PI4K2B: variants seen among roughly 807,000 people sequenced by gnomAD.
The protein encoded by PI4K2B is phosphatidylinositol 4-kinase type 2-beta.
Under a neutral mutation model 56.6 loss-of-function variants are expected in PI4K2B, and 46 were observed. That is an observed-to-expected ratio of 0.81 (90% CI 0.64 to 1.04). The LOEUF (loss-of-function observed/expected upper bound fraction) is 1.04. Among genes scored for constraint, PI4K2B ranks in the 50% least tolerant of loss-of-function variants. The pLI is 0.00. For synonymous variants in PI4K2B, 211 were observed against 223.8 expected, an observed-to-expected ratio of 0.94 and a Z score of 0.51; for missense variants, 556 against 607.7, an observed-to-expected ratio of 0.91 and a Z score of 0.89.
At chr4:25,235,579 TATA>T (rs1236129551) in intron 1 of PI4K2B, among the ~76,000 whole-genome samples, 1 of 152,224 alleles carries the variant, frequency 6.6e-6, no homozygotes, top group Non-Finnish European at 1.5e-5. Flanking sequence ...CTGCTCCCGT[TATA>T]ATGTTACCTG....
At chr4:25,235,798 T>C (rs1715236723) in intron 1 of PI4K2B, among the ~76,000 whole-genome samples, 1 of 152,176 alleles carries the variant, frequency 6.6e-6, no homozygotes. Context: ...GCCTTCAAAA[T>C]GCACTTGTTC....
At chr4:25,245,981 G>A (rs1715751120) in intron 1 of PI4K2B, among the ~76,000 whole-genome samples, 1 of 152,118 alleles carries the variant, frequency 6.6e-6, no homozygotes, top group Admixed American at 6.5e-5. Context: ...CCCTCCCAAT[G>A]AGTGTTACAG....
chr4:25,264,405 C>A (rs942836887), intron 7 of PI4K2B, among the ~76,000 whole-genome samples: 5 of 152,022 alleles, frequency 3.3e-5, no homozygotes, highest in Admixed American at 6.5e-5. Context: ...AAAATTCCCT[C>A]TGTGCGTATT....
intron 1 of PI4K2B, among the ~76,000 whole-genome samples, chr4:25,246,595 C>G (rs1241658739): frequency 6.6e-6 from 1 of 152,260 alleles, no homozygotes; most frequent in East Asian, 1.9e-4. Context: ...ACAGGTGGAG[C>G]TGCCTGCCAG....
chr4:25,249,296 A>G (rs911713594), intron 1 of PI4K2B, among the ~76,000 whole-genome samples: 1 of 152,154 alleles, frequency 6.6e-6, no homozygotes, highest in Non-Finnish European at 1.5e-5. Context: ...CGCCATCGTC[A>G]TCATGGCCTG....
At chr4:25,249,206 ACTT>A (rs2109092974) in intron 1 of PI4K2B, among the ~76,000 whole-genome samples, 1 of 152,286 alleles carries the variant, frequency 6.6e-6, no homozygotes, top group East Asian at 1.9e-4. Context: ...TCCTATGTCT[ACTT>A]CTTTCTACAC....
chr4:25,260,094 T>G (rs1460097988), intron 5 of PI4K2B, among the ~76,000 whole-genome samples: 1 of 152,238 alleles, frequency 6.6e-6, no homozygotes, highest in Non-Finnish European at 1.5e-5. Context: ...ATTCACTTTC[T>G]TAATTTACAT....
intron 1 of PI4K2B, among the ~76,000 whole-genome samples, chr4:25,248,598 G>T (rs13434877): frequency 0.015 from 2,028 of 131,972 alleles, 59 homozygotes; most frequent in African/African-American, 0.055. Context: ...ATGATGTATG[G>T]TTTTTTTTTT....
chr4:25,249,897 G>A (rs1232856263), intron 1 of PI4K2B, among the ~76,000 whole-genome samples: 10 of 152,134 alleles, frequency 6.6e-5, no homozygotes, highest in African/African-American at 1.4e-4. Flanking sequence ...GTAGTGAGCC[G>A]AGATCACGCC....
chr4:25,259,346 C>A (rs576148931), intron 5 of PI4K2B, among the ~76,000 whole-genome samples, 156 bp downstream of exon 5: 1 of 152,138 alleles, frequency 6.6e-6, no homozygotes, highest in Non-Finnish European at 1.5e-5. Context: ...CTCTCCTGGG[C>A]AGAATTCATC....
chr4:25,269,710 T>A (rs1401086179), intron 9 of PI4K2B, among the ~76,000 whole-genome samples: 5 of 151,864 alleles, frequency 3.3e-5, no homozygotes, highest in African/African-American at 1.2e-4. Context: ...TTAGGTGGGT[T>A]TTTTTTGTTT....
intron 1 of PI4K2B, among the ~76,000 whole-genome samples, chr4:25,246,182 C>T (rs543870114): frequency 2.0e-5 from 3 of 151,932 alleles, no homozygotes; most frequent in East Asian, 3.9e-4. Context: ...TTGCAAAGAG[C>T]GAAAGAACAA....
At chr4:25,263,926 C>A (rs1716573991) in intron 7 of PI4K2B, 77 bp downstream of exon 7, 6 of 644,406 alleles carry the variant, frequency 9.3e-6, no homozygotes, top group Admixed American at 2.6e-5. Context: ...TTTACAGATA[C>A]CATAGCGGAG....
At chr4:25,273,674 C>A (rs188583646) in intron 9 of PI4K2B, among the ~76,000 whole-genome samples, 1 of 152,248 alleles carries the variant, frequency 6.6e-6, no homozygotes, top group Non-Finnish European at 1.5e-5. Flanking sequence ...CATCTCTCCT[C>A]TGGATTTACC....
intron 1 of PI4K2B, among the ~76,000 whole-genome samples, chr4:25,240,446 T>C (rs1415450462): frequency 6.6e-6 from 1 of 152,188 alleles, no homozygotes; most frequent in African/African-American, 2.4e-5. Flanking sequence ...AAACTGGCTA[T>C]TCTGGTTCCT....
chr4:25,249,456 G>A (rs548791915), intron 1 of PI4K2B, among the ~76,000 whole-genome samples: 13 of 146,038 alleles, frequency 8.9e-5, no homozygotes, highest in Admixed American at 5.1e-4. Context: ...CCCGCCTCCC[G>A]GATGGGGCGG....
intron 1 of PI4K2B, 74 bp from the exon 2 acceptor site, chr4:25,252,247 A>C: frequency 1.8e-6 from 2 of 1,104,680 alleles, no homozygotes; most frequent in Non-Finnish European, 1.4e-6. Context: ...TTATATCCTG[A>C]TACCGGCAAG....
intron 1 of PI4K2B, among the ~76,000 whole-genome samples, chr4:25,236,886 T>C (rs950341566): frequency 6.6e-6 from 1 of 152,262 alleles, no homozygotes; most frequent in Non-Finnish European, 1.5e-5. Context: ...AAGACTAAAA[T>C]GTTCATGATT....
chr4:25,237,834 C>T (rs748905322), intron 1 of PI4K2B, among the ~76,000 whole-genome samples: 1 of 152,132 alleles, frequency 6.6e-6, no homozygotes, highest in Non-Finnish European at 1.5e-5. Flanking sequence ...GTCCAGTGAG[C>T]TATAATTGCA....
Sources: allele counts gnomAD v4.1 joint callset (sites outside exome capture counted in the v4.1 genomes callset), GRCh38; gene constraint gnomAD v4.1.1; transcripts MANE v1.5; gene names NCBI Gene and HGNC (gene_info 2026-07-23, HGNC 2026-07-21).